TRAPPC10: variants seen among roughly 807,000 people sequenced by gnomAD.
The protein encoded by TRAPPC10 is TRAPP 130 kDa subunit.
TRAPPC10 carries 23 observed loss-of-function variants against 125.5 expected under a neutral mutation model. That is an observed-to-expected ratio of 0.18 (90% confidence interval 0.13 to 0.26). The LOEUF is 0.26. Ranked by LOEUF, TRAPPC10 falls within the 10% of genes least tolerant of loss-of-function variation. The pLI is 1.00. For missense variants in TRAPPC10, 1,123 were observed against 1,308.4 expected, an observed-to-expected ratio of 0.86 and a Z score of 2.19; for synonymous variants, 509 against 518.0, an observed-to-expected ratio of 0.98 and a Z score of 0.24.
chr21:44,012,911 G>C (rs2031318997), intron 1 of TRAPPC10, among the ~76,000 whole-genome samples: 1 of 152,062 alleles, frequency 6.6e-6, no homozygotes, highest in Non-Finnish European at 1.5e-5. Context: ...GCGCGCCCGG[G>C]ACCTGGGGGC....
Position 44,038,191 on chromosome 21 carries a change from C to T in TRAPPC10, c.285+264C>T, listed in dbSNP as rs1480790696. ...TCTGTTATAGGTTGTCCCTTCATTC[C>T]TTGGCCAAGTGCGGGACTTGCTGTT... is the stretch of plus-strand genomic sequence containing the variant. On this transcript the variant is annotated intron_variant, in intron 3 of 22. Coordinates refer to ENST00000291574, the MANE Select transcript of TRAPPC10 (RefSeq NM_003274.5). Among the ~76,000 whole-genome samples the T allele has an allele frequency of 4.6e-5, 7 of 152,302 alleles. No homozygotes were observed. In the East Asian group the frequency reaches 1.3e-3, roughly 29 times the overall value.
In TRAPPC10 at chr21:44,061,576, T is replaced by A. The variant is rs541414817; in HGVS notation, c.791-1962T>A. Among the ~76,000 whole-genome samples, 3 of 152,342 alleles carry A rather than the reference T, an allele frequency of 2.0e-5. No individual in the cohort carries two copies. The East Asian group carries it at 5.8e-4, about 29-fold the overall frequency. ...GCCACCGCACCTGGCCTGTATTTTT[T>A]AAATATCTTACATTTTTTTAAAAAA... On this transcript the variant is annotated intron_variant, in intron 6 of 22. Coordinates refer to ENST00000291574, the MANE Select transcript of TRAPPC10 (RefSeq NM_003274.5).
intron 2 of TRAPPC10, among the ~76,000 whole-genome samples, chr21:44,033,883 T>C (rs983710415): frequency 6.6e-6 from 1 of 151,920 alleles, no homozygotes; most frequent in African/African-American, 2.4e-5. Context: ...AAAAAGAAAC[T>C]GTGTAGATTT....
At chr21:44,048,676 T>C (rs2035023107) in intron 3 of TRAPPC10, among the ~76,000 whole-genome samples, 1 of 151,942 alleles carries the variant, frequency 6.6e-6, no homozygotes, top group South Asian at 2.1e-4. Context: ...GCATTTTTCA[T>C]AGAGACGGGG....
intron 2 of TRAPPC10, among the ~76,000 whole-genome samples, chr21:44,034,676 A>G (rs2033855912): frequency 1.3e-5 from 2 of 152,194 alleles, no homozygotes; most frequent in African/African-American, 4.8e-5. Context: ...TTATTGGAAT[A>G]AGGGTCTTCG....
At chr21:44,071,076 C>A (rs1217638288) in intron 7 of TRAPPC10, among the ~76,000 whole-genome samples, 1 of 152,194 alleles carries the variant, frequency 6.6e-6, no homozygotes, top group Non-Finnish European at 1.5e-5. Flanking sequence ...ACAGACTCAG[C>A]AAGGTTGAAT....
At chr21:44,079,426 G>T in intron 11 of TRAPPC10, 138 bp from the exon 12 acceptor site, 1 of 910,306 alleles carries the variant, frequency 1.1e-6, no homozygotes, top group South Asian at 2.0e-5. Context: ...TGGGGTGGGT[G>T]GAAAAGGGCT....
At position 44,086,915 on chromosome 21, in the gene TRAPPC10, C is replaced by G; in HGVS notation, c.2494C>G (p.Leu832Val). 6.2e-7 allele frequency: 1 copy of G among 1,614,206 alleles called. No individual in the cohort carries two copies. Among genetic ancestry groups the G allele is most frequent in the Non-Finnish European group, 8.5e-7 (1 of 1,180,030 alleles). The change falls in exon 16 of 23, where the codon CTG becomes GTG. Residue 832 changes from leucine to valine, a missense_variant. By Grantham distance (32) the Leu-to-Val change is conservative. Coordinates refer to ENST00000291574, the MANE Select transcript of TRAPPC10 (RefSeq NM_003274.5). ...TAGCAATGCCGAAGCCATGCTCATC[C>G]TGTGCCAGGCGGAGAGCAGGGCTGT... ...QLSNAEAMLILCQAESRAVVY... is the reference protein window; with the variant it reads ...QLSNAEAMLIVCQAESRAVVY...
chr21:44,052,557 A>C, intron 4 of TRAPPC10, 81 bp downstream of exon 4: 1 of 1,333,964 alleles, frequency 7.5e-7, no homozygotes, highest in Non-Finnish European at 1.0e-6. Context: ...AGTAATAAAT[A>C]TTTACTCAGC....
intron 17 of TRAPPC10, chr21:44,089,461 GA>G (rs1207285502): frequency 2.3e-6 from 1 of 438,072 alleles, no homozygotes. Context: ...ATACATGACT[GA>G]AAGCACTTTG....
At chr21:44,048,700 G>A (rs144059351) in intron 3 of TRAPPC10, among the ~76,000 whole-genome samples, 4,645 of 151,790 alleles carry the variant, frequency 0.031, 84 homozygotes, top group Admixed American at 0.055. Context: ...CACCATGTTG[G>A]CCAAGCTGGT....
chr21:44,083,149 C>G lies in TRAPPC10; in HGVS notation c.2085C>G (p.Ile695Met). 6.2e-7 allele frequency: 1 copy of G among 1,614,222 alleles called. No homozygotes were observed. The highest frequency in any genetic ancestry group is 8.5e-7 in the Non-Finnish European group (1 of 1,180,054). ...ACTCCTTGAACACGACTGGGATTATCTGCAGAAACGTCCACATGCTCCTGA... is the reference window on the plus strand; with the variant it reads ...ACTCCTTGAACACGACTGGGATTATGTGCAGAAACGTCCACATGCTCCTGA... ...SDNSLNTTGI[I>M]CRNVHMLLRR... The change falls in exon 14 of 23, where the codon ATC (isoleucine) becomes ATG (methionine). Residue 695 changes from isoleucine (I) to methionine (M), a missense_variant. This residue lies in a region of TRAPPC10 where 840 missense variants were observed against 902.0 expected (regional missense o/e 0.93). Coordinates refer to ENST00000291574, the MANE Select transcript of TRAPPC10 (RefSeq NM_003274.5).
chr21:44,088,010 C>T, intron 17 of TRAPPC10, 82 bp downstream of exon 17: 1 of 1,232,640 alleles, frequency 8.1e-7, no homozygotes, highest in African/African-American at 1.5e-5. Flanking sequence ...GTAGCGATGC[C>T]TGCTGTTAGC....
chr21:44,087,918 C>T lies in TRAPPC10; in HGVS notation c.2759C>T (p.Thr920Ile), dbSNP rs757152115. The T allele has an allele frequency of 2.5e-6, 4 of 1,613,220 alleles. No homozygotes were observed. The highest frequency in any genetic ancestry group is 1.3e-5 in the African/African-American group (1 of 74,918). The part of the protein sequence containing the change: ...KQRTGRCMVT[T>I]DHKVSIDCPW... ...AGAACTGGCCGCTGCATGGTTACCACAGACCACAAAGTGAGTAGGGACAGT... is the reference window on the plus strand; with the variant it reads ...AGAACTGGCCGCTGCATGGTTACCATAGACCACAAAGTGAGTAGGGACAGT... The change falls in exon 17 of 23, where the codon ACA becomes ATA. Residue 920 changes from threonine to isoleucine, a missense_variant. Transcript: ENST00000291574. The surrounding 1 kb of genome is among the most constrained non-coding windows in gnomAD (Gnocchi z 4.6).
chr21:44,058,817 A>C (rs968182215), intron 5 of TRAPPC10, among the ~76,000 whole-genome samples: 2 of 152,260 alleles, frequency 1.3e-5, no homozygotes, highest in Non-Finnish European at 2.9e-5. Context: ...GCAGGTGGCC[A>C]GGTCCTGGAC....
At position 44,062,801 on chromosome 21, in the gene TRAPPC10, C is replaced by T; in HGVS notation, c.791-737C>T. 3 of 985,428 alleles carry T rather than the reference C, an allele frequency of 3.0e-6. No homozygotes were observed. In the South Asian group the frequency reaches 1.4e-4, roughly 46 times the overall value. The allele number at this position is 985,428 out of a possible 1,614,324, so 61.0% of individuals were successfully genotyped here. ...CACGTCAGTGAAGGGAGCGTTTAAC[C>T]ATGCCAGGATGCCACGTAGGAATGA... On this transcript the variant is annotated intron_variant, in intron 6 of 22. Transcript: ENST00000291574.
At chr21:44,020,152 G>A (rs1324025728) in intron 1 of TRAPPC10, among the ~76,000 whole-genome samples, 10 of 145,056 alleles carry the variant, frequency 6.9e-5, no homozygotes, top group African/African-American at 1.3e-4. Context: ...ACAGAGTCTC[G>A]CTCTATTGCC....
chr21:44,020,700 AC>A (rs2032421973), intron 1 of TRAPPC10, among the ~76,000 whole-genome samples: 1 of 152,212 alleles, frequency 6.6e-6, no homozygotes, highest in Admixed American at 6.5e-5. Flanking sequence ...GGAACTGACA[AC>A]CACCTGTTTG....
intron 7 of TRAPPC10, among the ~76,000 whole-genome samples, chr21:44,065,668 C>T (rs2036393473): frequency 6.6e-6 from 1 of 152,180 alleles, no homozygotes; most frequent in African/African-American, 2.4e-5. Flanking sequence ...GGCTGCGCCT[C>T]CTTACATGCG....
Sources: allele counts gnomAD v4.1 joint callset (sites outside exome capture counted in the v4.1 genomes callset), GRCh38; gene constraint gnomAD v4.1.1; regional missense constraint gnomAD v4.1.1; non-coding constraint Gnocchi (gnomAD v3.1); transcripts MANE v1.5; gene names NCBI Gene and HGNC (gene_info 2026-07-23, HGNC 2026-07-21).